BIRC6: variants seen among roughly 807,000 people sequenced by gnomAD.
BIRC6 encodes the protein baculoviral IAP repeat containing 6.
A neutral mutation model predicts 503.3 loss-of-function variants in BIRC6; 98 were observed. That is an observed-to-expected ratio of 0.19 (90% CI 0.17 to 0.23). The LOEUF is 0.23. BIRC6 is among the 10% of genes least tolerant of loss of function. The pLI is 1.00. For missense variants in BIRC6, 5,360 were observed against 5,806.0 expected (o/e 0.92, Z 2.50); for synonymous variants, 2,240 against 2,078.7 (o/e 1.08, Z -2.11).
chr2:32,371,049 C>CA (rs2035860632), intron 1 of BIRC6, among the ~76,000 whole-genome samples: 1 of 151,420 alleles, frequency 6.6e-6, no homozygotes, highest in African/African-American at 2.4e-5. Context: ...CCTGTCTCTA[C>CA]AAAAAATACA....
At chr2:32,371,215 CAAAAAAAAAAAA>C (rs1179033406) in intron 1 of BIRC6, among the ~76,000 whole-genome samples, 7 of 28,720 alleles carry the variant, frequency 2.4e-4, no homozygotes, top group African/African-American at 7.8e-4. Flanking sequence ...GACCCTGTCT[CAAAAAAAAAAAA>C]AAAAAAAAAA....
At chr2:32,439,931 T>C (rs1398724430) in intron 16 of BIRC6, among the ~76,000 whole-genome samples, 1 of 152,176 alleles carries the variant, frequency 6.6e-6, no homozygotes, top group Non-Finnish European at 1.5e-5. Flanking sequence ...CAGGCTGGAA[T>C]GCAGTGGCGC....
intron 33 of BIRC6, among the ~76,000 whole-genome samples, chr2:32,473,792 A>T (rs1438361421): frequency 5.6e-5 from 6 of 107,772 alleles, no homozygotes; most frequent in African/African-American, 1.9e-4. Context: ...TCATTCTATT[A>T]CCTAGGTTGG....
rs1573242711 is a variant in BIRC6 at position 32,592,404 on chromosome 2, G to T, written c.13356-1511G>T. ...AGAAACTAGTTTTTGTTTACACATT[G>T]TAGGAACCAAATTCAAAACACATGC... On this transcript the variant is annotated intron_variant, in intron 66 of 73. Coordinates refer to ENST00000421745, the MANE Select transcript of BIRC6 (RefSeq NM_016252.4). Among the ~76,000 whole-genome samples the T allele has an allele frequency of 2.0e-5, 3 of 152,122 alleles. No homozygotes were observed. The East Asian group carries it at 5.8e-4, about 29-fold the overall frequency.
intron 63 of BIRC6, among the ~76,000 whole-genome samples, chr2:32,546,865 G>C (rs766786354): frequency 6.6e-6 from 1 of 152,078 alleles, no homozygotes; most frequent in Non-Finnish European, 1.5e-5. Context: ...GATCACTTAA[G>C]GTCAGAATTT....
At position 32,611,099 on chromosome 2, in the gene BIRC6, T is replaced by C. The variant is rs1417915144; in HGVS notation, c.14260-349T>C. The stretch of plus-strand genomic sequence containing the variant: ...TTCCCTGCTAATATTGTAGAGTTGA[T>C]TAAATTGCCTTTTTTTTTTTGTTTG... On this transcript the variant is annotated intron_variant, in intron 72 of 73. Coordinates refer to ENST00000421745, the MANE Select transcript of BIRC6 (RefSeq NM_016252.4). Among the ~76,000 whole-genome samples the C allele has an allele frequency of 2.0e-5, 3 of 147,646 alleles. No individual in the cohort carries two copies. In the East Asian group the frequency reaches 6.1e-4, roughly 30 times the overall value.
chr2:32,374,533 C>T (rs1309645977), intron 1 of BIRC6, among the ~76,000 whole-genome samples: 3 of 149,974 alleles, frequency 2.0e-5, no homozygotes, highest in Non-Finnish European at 3.0e-5. Flanking sequence ...AGTGCAGTGG[C>T]GTGATCTTGG....
At chr2:32,548,240 A>G (rs2150364620) in intron 64 of BIRC6, among the ~76,000 whole-genome samples, 1 of 150,642 alleles carries the variant, frequency 6.6e-6, no homozygotes, top group Non-Finnish European at 1.5e-5. Flanking sequence ...GGAAAGTGGC[A>G]GGGATGAAAT....
At chr2:32,504,758 T>C (rs938302632) in intron 49 of BIRC6, among the ~76,000 whole-genome samples, 1 of 152,142 alleles carries the variant, frequency 6.6e-6, no homozygotes, top group South Asian at 2.1e-4. Context: ...TCTTTAGTTT[T>C]CGTGTATCAT....
Position 32,402,776 on chromosome 2 carries a change from A to G in BIRC6, c.1418+1153A>G, listed in dbSNP as rs149659187. On this transcript the variant is annotated intron_variant, in intron 8 of 73. Transcript: ENST00000421745. ...TTTCTTAGAAGTTAGTGGAAAAGTA[A>G]TAGAAGATAATGAAATTTATATGTC... Among the ~76,000 whole-genome samples the G allele has an allele frequency of 4.5e-3, 693 of 152,308 alleles. 6 individuals are homozygous for G. Among genetic ancestry groups the G allele is most frequent in the African/African-American group, 0.016 (668 of 41,570 alleles).
At position 32,509,839 on chromosome 2, in the gene BIRC6, C is replaced by G; in HGVS notation, c.10082C>G (p.Thr3361Ser). 1.2e-6 allele frequency: 2 copies of G among 1,613,944 alleles called. No individual in the cohort carries two copies. The highest frequency in any genetic ancestry group is 1.7e-6 in the Non-Finnish European group (2 of 1,179,874). Residue 3361 changes from threonine to serine, a missense_variant, in exon 52 of 74, where the codon ACT becomes AGT. Thr to Ser is a moderately conservative substitution (Grantham distance 58). Around this residue, in one of 16 missense-constraint regions of BIRC6, gnomAD observed 878 missense variants for 928.9 expected, o/e 0.95. Coordinates refer to ENST00000421745, the MANE Select transcript of BIRC6 (RefSeq NM_016252.4). Reference protein sequence around the residue: ...AAAPTANLLQTCAALLMSPYC... With the variant: ...AAAPTANLLQSCAALLMSPYC... ...GCACCTACTGCTAATCTGCTGCAGA[C>G]TTGTGCGGCCTTATTGATGTCACCT...
At chr2:32,439,802 T>C in intron 16 of BIRC6, 116 bp downstream of exon 16, 3 of 900,194 alleles carry the variant, frequency 3.3e-6, no homozygotes, top group Non-Finnish European at 3.2e-6. Flanking sequence ...ACGCTTGGTT[T>C]GTTTGTATTT....
At chr2:32,393,191 G>A (rs1424137395) in intron 5 of BIRC6, among the ~76,000 whole-genome samples, 1 of 151,766 alleles carries the variant, frequency 6.6e-6, no homozygotes, top group Non-Finnish European at 1.5e-5. Flanking sequence ...TTGAATATCT[G>A]TGCATTAAAG....
intron 53 of BIRC6, 146 bp from the exon 54 acceptor site, chr2:32,512,787 T>C: frequency 1.5e-6 from 1 of 652,588 alleles, no homozygotes. Context: ...TTTCCTTTTT[T>C]TCCTATTTTA....
chr2:32,468,830 G>A, intron 29 of BIRC6, 47 bp downstream of exon 29: 4 of 1,366,196 alleles, frequency 2.9e-6, no homozygotes, highest in Non-Finnish European at 4.0e-6. Context: ...TATACTTGAT[G>A]TGATTTCGCT....
At chr2:32,500,906 AT>A (rs1337777541) in intron 46 of BIRC6, among the ~76,000 whole-genome samples, 21 of 145,908 alleles carry the variant, frequency 1.4e-4, no homozygotes, top group East Asian at 2.0e-4. Flanking sequence ...CGCCCTGCCA[AT>A]TTTTTTTTTT....
intron 60 of BIRC6, 71 bp from the exon 61 acceptor site, chr2:32,531,284 T>C (rs933438981): frequency 1.0e-4 from 138 of 1,325,180 alleles, no homozygotes; most frequent in Non-Finnish European, 1.3e-4. Context: ...ATACCTGCTT[T>C]TGTAAATGAA....
chr2:32,550,851 T>A (rs1312365308), intron 65 of BIRC6, among the ~76,000 whole-genome samples: 1 of 152,160 alleles, frequency 6.6e-6, no homozygotes, highest in African/African-American at 2.4e-5. Context: ...TTTTGGTAAA[T>A]GTATGGAATT....
chr2:32,441,207 A>T, intron 16 of BIRC6, 122 bp from the exon 17 acceptor site: 1 of 734,364 alleles, frequency 1.4e-6, no homozygotes, highest in Non-Finnish European at 2.2e-6. Flanking sequence ...CTATCATTTT[A>T]ACTTGAGATT....
Sources: gnomAD v4.1 joint callset for allele counts (sites outside exome capture counted in the v4.1 genomes callset) on GRCh38, gnomAD v4.1.1 for gene constraint, gnomAD v4.1.1 regional missense constraint, MANE v1.5 for transcripts, NCBI Gene and HGNC (gene_info 2026-07-23, HGNC 2026-07-21) for gene names.